Variants in NRG4 observed in about 807,000 individuals in gnomAD.
NRG4 encodes the protein pro-neuregulin-4, membrane-bound isoform.
In NRG4, 10 loss-of-function variants were observed where a neutral mutation model predicts 15.0. That is an observed-to-expected ratio of 0.67 (90% CI 0.41 to 1.13). NRG4 has a LOEUF of 1.13. Among genes scored for constraint, NRG4 ranks in the 50% most tolerant of loss-of-function variants. The pLI is 0.00. For synonymous variants in NRG4, 41 were observed against 50.1 expected, an observed-to-expected ratio of 0.82 and a Z score of 0.77; for missense variants, 139 against 140.2, an observed-to-expected ratio of 0.99 and a Z score of 0.04.
chr15:76,018,203 G>T (rs2035045993), intron 5 of NRG4, among the ~76,000 whole-genome samples: 1 of 152,054 alleles, frequency 6.6e-6, no homozygotes, highest in Admixed American at 6.5e-5. Context: ...TCTCTAAACT[G>T]CTTATTCCAG....
At chr15:76,004,642 A>G (rs150735052) in intron 3 of NRG4, among the ~76,000 whole-genome samples, 16 of 152,092 alleles carry the variant, frequency 1.1e-4, no homozygotes, top group African/African-American at 3.6e-4. Flanking sequence ...GAATAAATCA[A>G]TTAAACACAA....
intron 3 of NRG4, among the ~76,000 whole-genome samples, chr15:75,996,440 A>C (rs968079252): frequency 2.6e-5 from 4 of 152,204 alleles, no homozygotes; most frequent in African/African-American, 9.6e-5. Flanking sequence ...TCACATTATT[A>C]AACAAATGAG....
At chr15:75,980,068 A>G (rs1029039064) in intron 3 of NRG4, among the ~76,000 whole-genome samples, 4 of 152,144 alleles carry the variant, frequency 2.6e-5, no homozygotes, top group Admixed American at 6.5e-5. Context: ...TGTTTTTACT[A>G]TTTTTCACCT....
At chr15:76,002,651 CTG>C (rs2034455024) in intron 3 of NRG4, among the ~76,000 whole-genome samples, 1 of 152,092 alleles carries the variant, frequency 6.6e-6, no homozygotes, top group South Asian at 2.1e-4. Context: ...AACAGATACA[CTG>C]TGTAAAACAC....
At chr15:75,939,005 CAAA>C (rs1168040238), downstream of NRG4, 2 of 151,882 alleles carry the variant, frequency 1.3e-5, no homozygotes, top group Non-Finnish European at 2.9e-5. Context: ...CATTAAAAAA[CAAA>C]AAAGACCTCA....
chr15:75,970,192 A>T (rs1567082899), intron 3 of NRG4, among the ~76,000 whole-genome samples: 1 of 152,358 alleles, frequency 6.6e-6, no homozygotes, highest in East Asian at 1.9e-4. Flanking sequence ...TCCTTTTGAA[A>T]AGTGAGTTTA....
intron 5 of NRG4, among the ~76,000 whole-genome samples, chr15:76,028,463 C>A (rs1173469811): frequency 1.3e-5 from 2 of 151,916 alleles, no homozygotes; most frequent in African/African-American, 4.8e-5. Flanking sequence ...CTAAACAGAC[C>A]AATAACAAGT....
chr15:75,993,218 G>A (rs996801330), intron 3 of NRG4, among the ~76,000 whole-genome samples: 2 of 149,558 alleles, frequency 1.3e-5, no homozygotes, highest in Admixed American at 6.7e-5. Flanking sequence ...CTTGGTGTTT[G>A]TTGAGCTTAA....
intron 3 of NRG4, among the ~76,000 whole-genome samples, chr15:75,968,168 CTTTATAA>C (rs771603072): frequency 6.6e-6 from 1 of 152,126 alleles, no homozygotes; most frequent in Non-Finnish European, 1.5e-5. Context: ...TGAGACAAAA[CTTTATAA>C]TTTGTTGATT....
chr15:75,982,961 T>C (rs2033661627), intron 3 of NRG4, among the ~76,000 whole-genome samples: 1 of 152,106 alleles, frequency 6.6e-6, no homozygotes, highest in African/African-American at 2.4e-5. Context: ...ATGTTTGCAG[T>C]AGAAGCCCAG....
chr15:76,006,765 G>T (rs767233548), intron 3 of NRG4, among the ~76,000 whole-genome samples: 1 of 152,138 alleles, frequency 6.6e-6, no homozygotes, highest in Non-Finnish European at 1.5e-5. Flanking sequence ...CTCTATCATT[G>T]GTAACTTTTT....
chr15:76,012,862 A>G (rs1159739161), upstream of NRG4, among the ~76,000 whole-genome samples: 1 of 152,232 alleles, frequency 6.6e-6, no homozygotes, highest in Non-Finnish European at 1.5e-5. Context: ...TAGCTATAAT[A>G]AAACTTGTAA....
intron 3 of NRG4, among the ~76,000 whole-genome samples, chr15:75,974,877 G>A (rs563684915): frequency 1.3e-5 from 2 of 152,166 alleles, no homozygotes; most frequent in South Asian, 4.1e-4. Context: ...GGTCTGCTTG[G>A]TCCAGAGCTT....
chr15:76,050,437 GTTTTTTTTTT>G lies in NRG4; in HGVS notation c.-105+1620_-105+1629del, dbSNP rs71444951. Among the ~76,000 whole-genome samples, 164 of 91,882 alleles carry G rather than the reference GTTTTTTTTTT, an allele frequency of 1.8e-3. 7 individuals carry two copies. Among genetic ancestry groups the G allele is most frequent in the African/African-American group, 6.2e-3 (149 of 23,880 alleles). The allele number at this position is 91,882 out of a possible 152,430, so 60.3% of individuals were successfully genotyped here. A position where few individuals can be genotyped will look rare whatever the true frequency, so the allele number is the denominator to read the frequency against. On this transcript the variant is annotated intron_variant, in intron 4 of 8. Coordinates refer to the NRG4 transcript ENST00000563910. ...AGCATTATTGTCACCCCGAGCCTTC[GTTTTTTTTTT>G]TTTTTTTTTTTTGAAACGGAGTCTC...
At chr15:75,982,170 C>T (rs1028287980) in intron 3 of NRG4, among the ~76,000 whole-genome samples, 4 of 152,174 alleles carry the variant, frequency 2.6e-5, no homozygotes, top group Non-Finnish European at 4.4e-5. Flanking sequence ...AGGATATTGT[C>T]GATCCCAAAA....
intron 5 of NRG4, among the ~76,000 whole-genome samples, chr15:75,945,184 C>T (rs1343997565): frequency 6.6e-6 from 1 of 152,010 alleles, no homozygotes; most frequent in African/African-American, 2.4e-5. Flanking sequence ...GATTTGGCCC[C>T]TAGCATTAAC....
rs2030927249 is a variant in NRG4 at position 75,941,271 on chromosome 15, A to T, written c.*2367T>A. Reference sequence around the variant, plus strand: ...CACTGGGATAGCTCTTATTAAAATTAAAAAAACACACAAGTGTTGGCAAGG... The same window carrying T: ...CACTGGGATAGCTCTTATTAAAATTTAAAAAACACACAAGTGTTGGCAAGG... On this transcript the variant is annotated 3_prime_UTR_variant, in exon 6 of 6. Coordinates refer to ENST00000394907, the MANE Select transcript of NRG4 (RefSeq NM_138573.4). The T allele has an allele frequency of 6.6e-6, 1 of 152,136 alleles. No individual in the cohort carries two copies. Among genetic ancestry groups the T allele is most frequent in the Non-Finnish European group, 1.5e-5 (1 of 67,982 alleles). 9.4% of individuals were successfully genotyped at this position (152,136 alleles called of 1,614,324 possible).
chr15:76,057,082 T>C (rs777846368), intron 1 of NRG4: 9 of 152,230 alleles, frequency 5.9e-5, no homozygotes, highest in Non-Finnish European at 1.2e-4. Context: ...ACAGCTCTTA[T>C]ACTTTCCTGT....
At chr15:76,004,455 C>T (rs1397748208) in intron 3 of NRG4, among the ~76,000 whole-genome samples, 2 of 151,714 alleles carry the variant, frequency 1.3e-5, no homozygotes, top group Non-Finnish European at 2.9e-5. Context: ...ACAAAATTAG[C>T]CAGGCATGGT....
Sources: allele counts gnomAD v4.1 joint callset (sites outside exome capture counted in the v4.1 genomes callset), GRCh38; gene constraint gnomAD v4.1.1; transcripts MANE v1.5; gene names NCBI Gene and HGNC (gene_info 2026-07-23, HGNC 2026-07-21).